The following SKAP2 variants were observed in gnomAD, a reference collection of about 807,000 sequenced individuals.
The protein encoded by SKAP2 is src kinase associated phosphoprotein 2, also known as src kinase-associated phosphoprotein 2.
A neutral mutation model predicts 54.9 loss-of-function variants in SKAP2; 28 were observed. That is an observed-to-expected ratio of 0.51 (90% confidence interval 0.38 to 0.70). SKAP2 has a LOEUF of 0.70. Ranked by LOEUF, SKAP2 falls within the 30% of genes least tolerant of loss-of-function variation. SKAP2 has a pLI of 0.00. For missense variants in SKAP2, 356 were observed against 424.1 expected (o/e 0.84, Z 1.41); for synonymous variants, 137 against 134.3 (o/e 1.02, Z -0.14).
At chr7:26,752,139 T>C (rs1042250515) in intron 4 of SKAP2, among the ~76,000 whole-genome samples, 1 of 152,078 alleles carries the variant, frequency 6.6e-6, no homozygotes, top group Non-Finnish European at 1.5e-5. Flanking sequence ...TTTACACTTG[T>C]GAGGAGTGGG....
chr7:26,829,437 A>G (rs1489281490), intron 4 of SKAP2, among the ~76,000 whole-genome samples: 1 of 152,016 alleles, frequency 6.6e-6, no homozygotes, highest in Non-Finnish European at 1.5e-5. Flanking sequence ...CAGCTACTTG[A>G]GAGGCTGAGT....
chr7:26,770,991 G>T (rs1584380209), intron 4 of SKAP2, among the ~76,000 whole-genome samples: 1 of 152,032 alleles, frequency 6.6e-6, no homozygotes, highest in East Asian at 1.9e-4. Flanking sequence ...CAACTGTTTA[G>T]ATAAGTCTTA....
intron 4 of SKAP2, among the ~76,000 whole-genome samples, chr7:26,818,242 A>C (rs765892000): frequency 6.6e-6 from 1 of 152,216 alleles, no homozygotes; most frequent in Non-Finnish European, 1.5e-5. Context: ...AAACAGATAC[A>C]TAGACCAACG....
At chr7:26,836,717 G>A (rs923892715) in intron 4 of SKAP2, among the ~76,000 whole-genome samples, 39 of 152,296 alleles carry the variant, frequency 2.6e-4, no homozygotes, top group African/African-American at 9.4e-4. Context: ...GGAGAAATAG[G>A]AATGCTTTTA....
chr7:26,761,167 T>C (rs1051388346), intron 4 of SKAP2, among the ~76,000 whole-genome samples: 22 of 152,214 alleles, frequency 1.4e-4, no homozygotes, highest in African/African-American at 5.3e-4. Context: ...ATTTCCAGTT[T>C]TCTTTCTAAT....
Position 26,842,987 on chromosome 7 carries a change from T to C in SKAP2, c.307+1043A>G, listed in dbSNP as rs75041567. ...TATTGCTACACTTTGTACAAAGTTC[T>C]GGATATAAAAAAAGATTGTTTTGTA... On this transcript the variant is annotated intron_variant, in intron 4 of 12. Transcript: ENST00000345317. Among the ~76,000 whole-genome samples, 370 of 152,168 alleles carry C rather than the reference T, an allele frequency of 2.4e-3. 2 individuals are homozygous for C. Among genetic ancestry groups the C allele is most frequent in the African/African-American group, 8.1e-3 (337 of 41,574 alleles).
At chr7:26,698,211 A>G (rs1786937010) in intron 9 of SKAP2, among the ~76,000 whole-genome samples, 1 of 152,094 alleles carries the variant, frequency 6.6e-6, no homozygotes, top group Non-Finnish European at 1.5e-5. Context: ...AGTGCATCTT[A>G]ACCTCATTTT....
At chr7:26,712,127 T>C (rs1450372942) in intron 9 of SKAP2, among the ~76,000 whole-genome samples, 1 of 152,174 alleles carries the variant, frequency 6.6e-6, no homozygotes, top group Non-Finnish European at 1.5e-5. Flanking sequence ...CTGAAATGCT[T>C]GGGACTAGAA....
intron 4 of SKAP2, among the ~76,000 whole-genome samples, chr7:26,779,213 G>A (rs552851330): frequency 1.3e-5 from 2 of 151,974 alleles, no homozygotes; most frequent in Non-Finnish European, 2.9e-5. Flanking sequence ...ACTTGTAATT[G>A]CTACCATTAA....
At chr7:26,824,763 G>A (rs1784452967) in intron 4 of SKAP2, among the ~76,000 whole-genome samples, 1 of 152,114 alleles carries the variant, frequency 6.6e-6, no homozygotes. Context: ...AAATACGTAT[G>A]GCTGTGATGT....
At chr7:26,745,617 C>T (rs139273472) in intron 4 of SKAP2, among the ~76,000 whole-genome samples, 4 of 152,270 alleles carry the variant, frequency 2.6e-5, no homozygotes, top group East Asian at 3.9e-4. Context: ...TGGGCTCAAG[C>T]GATCCTCCCA....
chr7:26,690,775 C>A (rs755138149), intron 9 of SKAP2, among the ~76,000 whole-genome samples: 1 of 152,184 alleles, frequency 6.6e-6, no homozygotes, highest in Non-Finnish European at 1.5e-5. Flanking sequence ...CAGCGTTATA[C>A]TGATACACCA....
At chr7:26,815,112 T>G (rs1279298771) in intron 4 of SKAP2, among the ~76,000 whole-genome samples, 1 of 152,150 alleles carries the variant, frequency 6.6e-6, no homozygotes, top group Non-Finnish European at 1.5e-5. Context: ...ATGGTCTTTT[T>G]TTTTTTAAGG....
At chr7:26,669,894 T>A (rs1359420415) in intron 12 of SKAP2, among the ~76,000 whole-genome samples, 197 bp downstream of exon 12, 1 of 152,132 alleles carries the variant, frequency 6.6e-6, no homozygotes, top group Non-Finnish European at 1.5e-5. Flanking sequence ...ATTTCCAAAG[T>A]AAATTCCATA....
At chr7:26,784,169 C>T (rs1783488820) in intron 4 of SKAP2, among the ~76,000 whole-genome samples, 1 of 151,802 alleles carries the variant, frequency 6.6e-6, no homozygotes, top group South Asian at 2.1e-4. Context: ...CAGAACTTTC[C>T]ATCCTTTAAA....
intron 9 of SKAP2, among the ~76,000 whole-genome samples, chr7:26,721,862 A>G (rs75548118): frequency 0.012 from 1,791 of 152,318 alleles, 34 homozygotes; most frequent in African/African-American, 0.04. Context: ...TTTCACGAGT[A>G]TTATTTTCCC....
chr7:26,740,785 A>C, intron 4 of SKAP2, among the ~76,000 whole-genome samples: 1 of 152,130 alleles, frequency 6.6e-6, no homozygotes, highest in East Asian at 1.9e-4. Flanking sequence ...CAGGAGTTCG[A>C]GACCAGCCTG....
chr7:26,704,177 G>A (rs927107540), intron 9 of SKAP2, among the ~76,000 whole-genome samples: 1 of 152,134 alleles, frequency 6.6e-6, no homozygotes, highest in Non-Finnish European at 1.5e-5. Flanking sequence ...TGAAAAAACA[G>A]GAGACAAGTC....
In SKAP2 at chr7:26,685,536, G is replaced by A. The variant is rs73276798; in HGVS notation, c.875-688C>T. On this transcript the variant is annotated intron_variant, in intron 10 of 12. Transcript: ENST00000345317. ...TTTTCAACCGATTTTTGTCAGCCCC[G>A]GTTTAGGACATTAGGCTCTAAATAA... 9.8e-3 allele frequency among the ~76,000 whole-genome samples: 1,485 copies of A among 152,180 alleles called. 25 individuals carry two copies. The highest frequency in any genetic ancestry group is 0.034 in the African/African-American group (1,413 of 41,526).
Sources: gnomAD v4.1 joint callset for allele counts (sites outside exome capture counted in the v4.1 genomes callset) on GRCh38, gnomAD v4.1.1 for gene constraint, MANE v1.5 for transcripts, NCBI Gene and HGNC (gene_info 2026-07-23, HGNC 2026-07-21) for gene names.